Variants in WDR72 observed in about 807,000 individuals in gnomAD.
The protein encoded by WDR72 is WD repeat-containing protein 72.
Under a neutral mutation model 124.2 loss-of-function variants are expected in WDR72, and 120 were observed. The ratio of observed to expected loss-of-function variants is 0.97; its 90% confidence interval spans 0.83 to 1.12. WDR72 has a LOEUF of 1.12. Among genes scored for constraint, WDR72 ranks in the 50% most tolerant of loss-of-function variants. The pLI, the probability that WDR72 is intolerant of heterozygous loss-of-function variation, is 0.00. For missense variants in WDR72, 1,387 were observed against 1,278.8 expected (o/e 1.08, Z -1.29); for synonymous variants, 452 against 441.7 (o/e 1.02, Z -0.29).
chr15:53,530,985 G>C (rs756591733), intron 18 of WDR72, among the ~76,000 whole-genome samples: 2 of 152,020 alleles, frequency 1.3e-5, no homozygotes, highest in African/African-American at 2.4e-5. Context: ...TATCTCAAGG[G>C]AAAGCGTTTG....
At chr15:53,533,151 G>C (rs1382042940) in intron 18 of WDR72, among the ~76,000 whole-genome samples, 1 of 152,054 alleles carries the variant, frequency 6.6e-6, no homozygotes, top group Non-Finnish European at 1.5e-5. Flanking sequence ...TGTGTCTCCA[G>C]TTACTGTTGC....
chr15:53,703,086 GT>G (rs200328000), intron 11 of WDR72, among the ~76,000 whole-genome samples: 1 of 151,010 alleles, frequency 6.6e-6, no homozygotes, highest in African/African-American at 2.4e-5. Context: ...GCTAATTTTT[GT>G]TTTTTTTGCA....
intron 13 of WDR72, among the ~76,000 whole-genome samples, chr15:53,679,250 C>T (rs1052097963): frequency 6.6e-5 from 10 of 152,128 alleles, no homozygotes; most frequent in African/African-American, 1.9e-4. Flanking sequence ...GATGGTTGCA[C>T]AACAATGTGA....
chr15:53,692,845 T>C (rs1397596442), intron 13 of WDR72, among the ~76,000 whole-genome samples: 1 of 152,160 alleles, frequency 6.6e-6, no homozygotes, highest in African/African-American at 2.4e-5. Flanking sequence ...GTAATTATTA[T>C]AATAAGAAAG....
intron 18 of WDR72, among the ~76,000 whole-genome samples, chr15:53,582,025 C>T (rs576370023): frequency 5.4e-4 from 82 of 151,992 alleles, no homozygotes; most frequent in African/African-American, 1.8e-3. Context: ...TGAAGGGAAA[C>T]CTGCCAATTG....
At chr15:53,575,753 G>C (rs1191532909) in intron 18 of WDR72, among the ~76,000 whole-genome samples, 1 of 152,152 alleles carries the variant, frequency 6.6e-6, no homozygotes, top group Non-Finnish European at 1.5e-5. Flanking sequence ...CTGAGGTTGA[G>C]TATTGATGTC....
intron 18 of WDR72, among the ~76,000 whole-genome samples, chr15:53,562,470 A>C (rs1179496909): frequency 6.6e-6 from 1 of 151,802 alleles, no homozygotes; most frequent in Non-Finnish European, 1.5e-5. Flanking sequence ...CTAAATTTGT[A>C]ATTCCAAAGA....
upstream of WDR72, among the ~76,000 whole-genome samples, chr15:53,762,019 CT>C (rs532377261): frequency 1.0e-4 from 15 of 147,336 alleles, no homozygotes; most frequent in South Asian, 2.2e-4. Context: ...GGAGACACTG[CT>C]TTTTTTTTTA....
At chr15:53,648,520 T>C (rs690447) in intron 14 of WDR72, among the ~76,000 whole-genome samples, 11,829 of 152,128 alleles carry the variant, frequency 0.078, 1,532 homozygotes, top group African/African-American at 0.27. Flanking sequence ...GGTATAGGTC[T>C]GAAGGAAAAA....
At chr15:53,664,708 A>G (rs2015718367) in intron 14 of WDR72, among the ~76,000 whole-genome samples, 1 of 152,182 alleles carries the variant, frequency 6.6e-6, no homozygotes, top group South Asian at 2.1e-4. Flanking sequence ...TCTACATGAA[A>G]AAAGCTTTAG....
intron 4 of WDR72, among the ~76,000 whole-genome samples, chr15:53,715,810 TGTCTCTTAAA>T (rs1190576288): frequency 6.6e-6 from 1 of 152,164 alleles, no homozygotes; most frequent in Non-Finnish European, 1.5e-5. Context: ...AGCAAGACCC[TGTCTCTTAAA>T]GAGAAAAAAT....
chr15:53,657,844 C>A (rs1464620859), intron 14 of WDR72, among the ~76,000 whole-genome samples: 1 of 152,110 alleles, frequency 6.6e-6, no homozygotes, highest in Non-Finnish European at 1.5e-5. Flanking sequence ...TAACGCCGAC[C>A]TTGAATGAGC....
At position 53,615,828 on chromosome 15, in the gene WDR72, T is replaced by C. The variant is rs2013738205; in HGVS notation, c.2378A>G (p.Asp793Gly). The C allele has an allele frequency of 6.8e-6, 11 of 1,613,622 alleles. No homozygotes were observed. The highest frequency in any genetic ancestry group is 9.3e-6 in the Non-Finnish European group (11 of 1,179,666). Residue 793 changes from aspartate (D) to glycine (G), a missense_variant, in exon 15 of 20, where the codon GAC (aspartate) becomes GGC (glycine). By Grantham distance (94) the Asp-to-Gly change is moderately conservative (BLOSUM62 -1). Transcript: ENST00000360509. ...SRKVDASLTI[D>G]TAKLFLSCLL... ...GCAAGACAGAAACAATTTTGCTGTGTCTATTGTGAGACTGGCATCTACTTT... is the reference window on the plus strand; with the variant it reads ...GCAAGACAGAAACAATTTTGCTGTGCCTATTGTGAGACTGGCATCTACTTT...
chr15:53,661,695 A>T (rs1193779115), intron 14 of WDR72, among the ~76,000 whole-genome samples: 1 of 152,198 alleles, frequency 6.6e-6, no homozygotes, highest in African/African-American at 2.4e-5. Context: ...TAAAAAAAGG[A>T]GAAAGAAATG....
chr15:53,573,252 T>C (rs987505803), intron 18 of WDR72, among the ~76,000 whole-genome samples: 8 of 152,202 alleles, frequency 5.3e-5, no homozygotes, highest in Admixed American at 3.9e-4. Context: ...TTCCATGATA[T>C]TATGAATAAC....
chr15:53,699,470 A>G (rs1325516160), intron 13 of WDR72, among the ~76,000 whole-genome samples: 1 of 152,248 alleles, frequency 6.6e-6, no homozygotes, highest in Non-Finnish European at 1.5e-5. Context: ...CTTGTTAATA[A>G]TTAAAGTAGA....
chr15:53,720,142 T>A (rs1049647844), intron 3 of WDR72, among the ~76,000 whole-genome samples: 3 of 152,332 alleles, frequency 2.0e-5, no homozygotes, highest in African/African-American at 2.4e-5. Context: ...AACATTTTTT[T>A]AATTAAAAGT....
chr15:53,761,216 G>A (rs903515580), upstream of WDR72, among the ~76,000 whole-genome samples: 2 of 152,130 alleles, frequency 1.3e-5, no homozygotes, highest in East Asian at 3.8e-4. Context: ...ATATGAAAAG[G>A]TGCTCAACAT....
chr15:53,615,492 A>G lies in WDR72; in HGVS notation c.2714T>C (p.Leu905Ser). The G allele has an allele frequency of 6.2e-7, 1 of 1,612,606 alleles. No homozygotes were observed. Among genetic ancestry groups the G allele is most frequent in the Non-Finnish European group, 8.5e-7 (1 of 1,179,284 alleles). Reference sequence around the variant, plus strand: ...TTTATTAACTAAAAATAGTCTGCTCAACAAATAAACTATAGTATCTGACTC... The same window carrying G: ...TTTATTAACTAAAAATAGTCTGCTCGACAAATAAACTATAGTATCTGACTC... ...LRESDTIVYL[L>S]SRLFLVNKLV... Residue 905 changes from leucine (L) to serine (S), a missense_variant, in exon 15 of 20, where the codon TTG becomes TCG. Coordinates refer to ENST00000360509, the MANE Select transcript of WDR72 (RefSeq NM_182758.4).
Sources: gnomAD v4.1 joint callset for allele counts (sites outside exome capture counted in the v4.1 genomes callset) on GRCh38, gnomAD v4.1.1 for gene constraint, MANE v1.5 for transcripts, NCBI Gene and HGNC (gene_info 2026-07-23, HGNC 2026-07-21) for gene names.